The following THADA variants were observed in gnomAD, a reference collection of about 807,000 sequenced individuals.
THADA encodes THADA armadillo repeat containing.
Under a neutral mutation model 219.8 loss-of-function variants are expected in THADA, and 213 were observed. That is an observed-to-expected ratio of 0.97 (90% CI 0.87 to 1.09). The LOEUF is 1.09. Ranked by LOEUF, THADA falls within the 50% of genes least tolerant of loss-of-function variation. The pLI, the probability that THADA is intolerant of heterozygous loss-of-function variation, is 0.00. For synonymous variants in THADA, 1,018 were observed against 828.9 expected (o/e 1.23, Z -3.92); for missense variants, 2,956 against 2,311.3 (o/e 1.28, Z -5.72).
At chr2:43,286,212 T>C (rs774722716) in intron 35 of THADA, among the ~76,000 whole-genome samples, 4 of 151,988 alleles carry the variant, frequency 2.6e-5, no homozygotes, top group South Asian at 2.1e-4. Flanking sequence ...TGATGACACA[T>C]AGGGCCCGTG....
chr2:43,488,555 T>C (rs987320670), intron 25 of THADA, among the ~76,000 whole-genome samples: 2 of 152,232 alleles, frequency 1.3e-5, no homozygotes, highest in Non-Finnish European at 2.9e-5. Flanking sequence ...TGTACAGATA[T>C]ACCGTATTTT....
chr2:43,359,343 A>T (rs1669229806), intron 29 of THADA, among the ~76,000 whole-genome samples: 1 of 152,234 alleles, frequency 6.6e-6, no homozygotes. Flanking sequence ...GGCCTGTGAT[A>T]TCAGTCCTTA....
chr2:43,282,742 A>T (rs1673508887), intron 35 of THADA, among the ~76,000 whole-genome samples: 1 of 152,202 alleles, frequency 6.6e-6, no homozygotes, highest in African/African-American at 2.4e-5. Flanking sequence ...AATTTAAAAA[A>T]TTTTAAAAAA....
At chr2:43,532,913 T>G (rs1694070459) in intron 21 of THADA, among the ~76,000 whole-genome samples, 1 of 152,168 alleles carries the variant, frequency 6.6e-6, no homozygotes, top group Non-Finnish European at 1.5e-5. Context: ...TTAAAGAGCT[T>G]CTGCTCAGCA....
At chr2:43,456,422 G>A (rs1171450377) in intron 26 of THADA, among the ~76,000 whole-genome samples, 1 of 152,196 alleles carries the variant, frequency 6.6e-6, no homozygotes, top group East Asian at 1.9e-4. Flanking sequence ...CTGTGGTGGG[G>A]TGGGAATGAG....
At chr2:43,522,927 A>G (rs1176516708) in intron 22 of THADA, among the ~76,000 whole-genome samples, 1 of 152,012 alleles carries the variant, frequency 6.6e-6, no homozygotes, top group Non-Finnish European at 1.5e-5. Context: ...TCTCAACAAA[A>G]CAAAACAAAA....
chr2:43,327,873 A>C (rs1395695071), intron 30 of THADA, among the ~76,000 whole-genome samples: 1 of 152,170 alleles, frequency 6.6e-6, no homozygotes, highest in Non-Finnish European at 1.5e-5. Context: ...GTCTGAACCC[A>C]GGATATTTTG....
chr2:43,246,920 G>A (rs1019893553), intron 36 of THADA, among the ~76,000 whole-genome samples: 4 of 152,190 alleles, frequency 2.6e-5, no homozygotes, highest in African/African-American at 9.7e-5. Context: ...AGAAGGGAGA[G>A]GTCCACAGAA....
intron 13 of THADA, among the ~76,000 whole-genome samples, chr2:43,571,178 C>T (rs1298021176): frequency 6.6e-6 from 1 of 151,830 alleles, no homozygotes; most frequent in Non-Finnish European, 1.5e-5. Context: ...ATCGCTTGAG[C>T]CTGGGAGGTT....
intron 32 of THADA, among the ~76,000 whole-genome samples, chr2:43,292,630 A>G (rs2104369762): frequency 6.6e-6 from 1 of 152,292 alleles, no homozygotes; most frequent in South Asian, 2.1e-4. Context: ...TCCTATCATC[A>G]AAAGCTTTTC....
rs376131661 is a variant in THADA, at chr2:43,485,321, C to T, written c.3749G>A (p.Arg1250Gln). The T allele has an allele frequency of 4.8e-5, 77 of 1,611,644 alleles. No individual in the cohort carries two copies. The highest frequency in any genetic ancestry group is 3.1e-4 in the South Asian group (28 of 90,900). Residue 1250 changes from arginine (R) to glutamine (Q), a missense_variant, in exon 26 of 38, where the codon CGA (arginine) becomes CAA (glutamine). Transcript: ENST00000405975. ...LGFTSPVWAV[R>Q]NSSTLLFSAL... ...ACTAAAGAGAAGTGTGGATGAATTT[C>T]GCACCTAATGTACAAACGAAAACAC...
At chr2:43,594,653 G>C (rs1169537431) in intron 1 of THADA, among the ~76,000 whole-genome samples, 2 of 152,112 alleles carry the variant, frequency 1.3e-5, no homozygotes, top group Non-Finnish European at 2.9e-5. Flanking sequence ...TAAATAATCT[G>C]ACCCTGCCTT....
chr2:43,383,681 A>C (rs1672297765), intron 29 of THADA, among the ~76,000 whole-genome samples: 1 of 152,178 alleles, frequency 6.6e-6, no homozygotes, highest in South Asian at 2.1e-4. Context: ...AAGATTCTGC[A>C]TTTCTAACCA....
intron 15 of THADA, among the ~76,000 whole-genome samples, chr2:43,561,281 C>T (rs1043414336): frequency 6.6e-6 from 1 of 152,186 alleles, no homozygotes; most frequent in Non-Finnish European, 1.5e-5. Flanking sequence ...GTGTGAAGAA[C>T]TTTGCCTATC....
chr2:43,520,740 AC>A (rs1692317374), intron 22 of THADA, among the ~76,000 whole-genome samples: 7 of 151,382 alleles, frequency 4.6e-5, no homozygotes, highest in South Asian at 2.1e-4. Context: ...ACACACACAC[AC>A]ACATATATAT....
intron 25 of THADA, among the ~76,000 whole-genome samples, chr2:43,494,499 T>C (rs115215373): frequency 0.018 from 2,702 of 152,266 alleles, 48 homozygotes; most frequent in Non-Finnish European, 0.023. Context: ...TCCTCTACAA[T>C]AGCACACATT....
intron 31 of THADA, among the ~76,000 whole-genome samples, chr2:43,318,108 T>C (rs1268158894): frequency 6.6e-6 from 1 of 152,094 alleles, no homozygotes; most frequent in Non-Finnish European, 1.5e-5. Context: ...GGCATGATCA[T>C]AGCTCACTGC....
At chr2:43,252,656 A>G (rs1572781334) in intron 36 of THADA, among the ~76,000 whole-genome samples, 2 of 152,210 alleles carry the variant, frequency 1.3e-5, no homozygotes, top group East Asian at 3.9e-4. Flanking sequence ...CCTCTCTCCC[A>G]GGCTATTATT....
chr2:43,287,358 G>A (rs927998834), intron 34 of THADA, among the ~76,000 whole-genome samples: 4 of 152,050 alleles, frequency 2.6e-5, no homozygotes, highest in Non-Finnish European at 4.4e-5. Context: ...GCAATGGTGC[G>A]ATCTTGGCTC....
Sources: allele counts gnomAD v4.1 joint callset (sites outside exome capture counted in the v4.1 genomes callset), GRCh38; gene constraint gnomAD v4.1.1; transcripts MANE v1.5; gene names NCBI Gene and HGNC (gene_info 2026-07-23, HGNC 2026-07-21).